The following RORA variants were observed in gnomAD, a reference collection of about 807,000 sequenced individuals.
RORA encodes nuclear receptor ROR-alpha.
A neutral mutation model predicts 69.5 loss-of-function variants in RORA; 7 were observed. The ratio of observed to expected loss-of-function variants is 0.10; its 90% CI spans 0.06 to 0.19. The LOEUF is 0.19. Ranked by LOEUF, RORA falls within the 10% of genes least tolerant of loss-of-function variation. The probability of loss-of-function intolerance (pLI) is 1.00; values close to 1 mark genes in which losing one functional copy is unlikely to be tolerated. For synonymous variants in RORA, 261 were observed against 240.8 expected (o/e 1.08, Z -0.78); for missense variants, 457 against 663.0 (o/e 0.69, Z 3.41).
intron 1 of RORA, among the ~76,000 whole-genome samples, chr15:60,748,348 A>T (rs1214879383): frequency 6.6e-6 from 1 of 151,200 alleles, no homozygotes; most frequent in Non-Finnish European, 1.5e-5. Flanking sequence ...AGGAGACATA[A>T]ATTAGTGCCT....
chr15:61,052,267 A>C (rs1249852467), intron 1 of RORA, among the ~76,000 whole-genome samples: 11 of 152,116 alleles, frequency 7.2e-5, no homozygotes, highest in Non-Finnish European at 1.3e-4. Context: ...GTTGAGGAAA[A>C]ACTCTGGTGA....
At chr15:60,729,836 G>C (rs967975877) in intron 1 of RORA, among the ~76,000 whole-genome samples, 3 of 152,222 alleles carry the variant, frequency 2.0e-5, no homozygotes, top group Non-Finnish European at 4.4e-5. Flanking sequence ...CAGGGTTAGG[G>C]ATGGTATTTT....
chr15:61,089,860 T>C (rs1437621856), intron 1 of RORA, among the ~76,000 whole-genome samples: 1 of 152,030 alleles, frequency 6.6e-6, no homozygotes, highest in Non-Finnish European at 1.5e-5. Flanking sequence ...TGTTGGCAAA[T>C]ACAGCTTTCC....
chr15:60,683,641 T>TACACACACACAC (rs1212373710), intron 1 of RORA, among the ~76,000 whole-genome samples: 3 of 47,858 alleles, frequency 6.3e-5, no homozygotes, highest in African/African-American at 2.5e-4. Flanking sequence ...TTTACCCAGA[T>TACACACACACAC]ACACATACAC....
At position 60,562,239 on chromosome 15, in the gene RORA, T is replaced by G. The variant is rs183981754; in HGVS notation, c.197-30388A>C. On this transcript the variant is annotated intron_variant, in intron 2 of 10. Transcript: ENST00000335670. ...CATGAGCCACTGCGCCCTGCCAGTT[T>G]ACAAAAATTTTGTTGAGACAGAGTC... Among the ~76,000 whole-genome samples the G allele has an allele frequency of 3.5e-4, 53 of 151,894 alleles. 3 individuals are homozygous for G. In the East Asian group the frequency reaches 9.5e-3, roughly 27 times the overall value.
intron 2 of RORA, among the ~76,000 whole-genome samples, chr15:60,622,375 G>T (rs1378093068): frequency 6.6e-6 from 1 of 152,152 alleles, no homozygotes; most frequent in Non-Finnish European, 1.5e-5. Context: ...CACTTTGGGA[G>T]GCTGAGGTGG....
intron 1 of RORA, among the ~76,000 whole-genome samples, chr15:60,878,906 C>T (rs2073648665): frequency 6.6e-6 from 1 of 152,186 alleles, no homozygotes; most frequent in South Asian, 2.1e-4. Flanking sequence ...ATTTAAGCTC[C>T]TTGGATTCCA....
intron 10 of RORA, 97 bp from the exon 11 acceptor site, chr15:60,497,716 G>A (rs377699200): frequency 3.0e-6 from 3 of 1,011,960 alleles, no homozygotes; most frequent in Middle Eastern, 2.1e-4. Context: ...GTTTATAATG[G>A]TGAAACACAC....
intron 1 of RORA, among the ~76,000 whole-genome samples, chr15:60,803,640 T>A (rs924870695): frequency 3.3e-5 from 5 of 152,150 alleles, no homozygotes; most frequent in African/African-American, 1.2e-4. Flanking sequence ...TGTCAAATCA[T>A]CTTTCTGGGC....
At chr15:61,047,333 C>T (rs1897080708) in intron 1 of RORA, among the ~76,000 whole-genome samples, 1 of 152,220 alleles carries the variant, frequency 6.6e-6, no homozygotes, top group Non-Finnish European at 1.5e-5. Context: ...ATTTGTGTTC[C>T]CTTACTCTCA....
intron 1 of RORA, among the ~76,000 whole-genome samples, chr15:61,157,629 T>C (rs1033467453): frequency 1.4e-4 from 22 of 152,154 alleles, no homozygotes; most frequent in African/African-American, 4.6e-4. Context: ...CGAAAGGCAC[T>C]GGGCACACAC....
chr15:60,669,909 A>G (rs2070438732), intron 2 of RORA, among the ~76,000 whole-genome samples: 1 of 152,324 alleles, frequency 6.6e-6, no homozygotes, highest in South Asian at 2.1e-4. Context: ...AGGGAGGAAT[A>G]TAAGTTAGAT....
intron 1 of RORA, among the ~76,000 whole-genome samples, chr15:60,845,155 C>G (rs1459576686): frequency 1.3e-5 from 2 of 152,210 alleles, no homozygotes; most frequent in Non-Finnish European, 2.9e-5. Flanking sequence ...AGTTGTCATA[C>G]AGCAACCTTG....
At chr15:61,209,655 T>C (rs2079973200) in intron 1 of RORA, among the ~76,000 whole-genome samples, 1 of 152,178 alleles carries the variant, frequency 6.6e-6, no homozygotes, top group East Asian at 1.9e-4. Flanking sequence ...CAGTTGATGG[T>C]GTTTTGTTAT....
intron 1 of RORA, among the ~76,000 whole-genome samples, chr15:61,050,830 C>A (rs1897256674): frequency 6.6e-6 from 1 of 152,054 alleles, no homozygotes; most frequent in Non-Finnish European, 1.5e-5. Context: ...TATTATTATC[C>A]CAGTTTATGG....
At chr15:60,616,607 A>G (rs1890760883) in intron 2 of RORA, among the ~76,000 whole-genome samples, 1 of 152,232 alleles carries the variant, frequency 6.6e-6, no homozygotes, top group Admixed American at 6.5e-5. Context: ...ATGGGGTTTA[A>G]GAAATTCTGA....
chr15:61,031,946 T>C (rs924930523), intron 1 of RORA, among the ~76,000 whole-genome samples: 7 of 152,200 alleles, frequency 4.6e-5, no homozygotes, highest in African/African-American at 1.7e-4. Context: ...TTGGAAGATA[T>C]ATGTTCCTCC....
intron 2 of RORA, among the ~76,000 whole-genome samples, chr15:60,613,966 A>AT (rs959153402): frequency 8.5e-5 from 13 of 152,106 alleles, no homozygotes; most frequent in Admixed American, 7.2e-4. Flanking sequence ...AGAATACAAC[A>AT]TTGAGTCTAT....
chr15:61,197,581 ACT>A (rs1596065549), intron 1 of RORA, among the ~76,000 whole-genome samples: 2 of 152,254 alleles, frequency 1.3e-5, no homozygotes, highest in East Asian at 3.9e-4. Flanking sequence ...ACAAGGAATA[ACT>A]CTGTAGGTAA....
Sources: allele counts gnomAD v4.1 joint callset (sites outside exome capture counted in the v4.1 genomes callset), GRCh38; gene constraint gnomAD v4.1.1; transcripts MANE v1.5; gene names NCBI Gene and HGNC (gene_info 2026-07-23, HGNC 2026-07-21).